The following UBTD1 variants were observed in gnomAD, a reference collection of about 807,000 sequenced individuals.
UBTD1 encodes ubiquitin domain containing 1.
A neutral mutation model predicts 21.7 loss-of-function variants in UBTD1; 19 were observed. The observed-to-expected ratio is 0.87, with a 90% confidence interval of 0.61 to 1.28. The LOEUF (loss-of-function observed/expected upper bound fraction) is 1.28, where lower values mean the gene tolerates loss of function less well. UBTD1 is among the 50% of genes most tolerant of loss of function. The pLI, the probability that UBTD1 is intolerant of heterozygous loss-of-function variation, is 0.00. For missense variants in UBTD1, 282 were observed against 315.1 expected (o/e 0.89, Z 0.80); for synonymous variants, 116 against 135.1 (o/e 0.86, Z 0.98).
At chr10:97,545,429 TGG>T (rs1179464044) in intron 1 of UBTD1, among the ~76,000 whole-genome samples, 8 of 24,734 alleles carry the variant, frequency 3.2e-4, no homozygotes, top group Admixed American at 1.4e-3. Flanking sequence ...TGTGTGTGTG[TGG>T]GTGTGTGTGT....
At position 97,499,278 on chromosome 10, in the gene UBTD1, C is replaced by A; in HGVS notation, c.70+5C>A. Reference sequence around the variant, plus strand: ...GACACCCCCGCAAGCGAGCAGGTAACGATGGGGAAGGGAGCAGGGCCTCGG... The same window carrying A: ...GACACCCCCGCAAGCGAGCAGGTAAAGATGGGGAAGGGAGCAGGGCCTCGG... On this transcript the variant is annotated splice_donor_5th_base_variant and intron_variant, in intron 1 of 2. Transcript: ENST00000370664. 1 of 1,548,386 alleles carries A rather than the reference C, an allele frequency of 6.5e-7. No homozygotes were observed.
At chr10:97,556,128 G>C (rs1414168085) in intron 1 of UBTD1, among the ~76,000 whole-genome samples, 1 of 152,256 alleles carries the variant, frequency 6.6e-6, no homozygotes, top group East Asian at 1.9e-4. Flanking sequence ...TCAGACAAGG[G>C]AGCAGTAAGC....
intron 1 of UBTD1, among the ~76,000 whole-genome samples, chr10:97,520,109 T>C (rs1017513092): frequency 3.9e-5 from 6 of 152,200 alleles, no homozygotes; most frequent in Admixed American, 3.9e-4. Context: ...ATGTCTCAGT[T>C]CCTTCATCTG....
At chr10:97,548,292 C>T (rs1205859598) in intron 1 of UBTD1, among the ~76,000 whole-genome samples, 3 of 152,250 alleles carry the variant, frequency 2.0e-5, no homozygotes, top group Non-Finnish European at 4.4e-5. Context: ...GCTGGAACTG[C>T]TCGTATTCAA....
At chr10:97,511,670 T>G (rs932186531) in intron 1 of UBTD1, among the ~76,000 whole-genome samples, 2 of 152,140 alleles carry the variant, frequency 1.3e-5, no homozygotes, top group African/African-American at 4.8e-5. Flanking sequence ...ATTTTTTTTT[T>G]TAACTTAGTG....
intron 1 of UBTD1, among the ~76,000 whole-genome samples, chr10:97,527,887 A>G (rs557990951): frequency 2.4e-4 from 36 of 152,320 alleles, no homozygotes; most frequent in African/African-American, 5.8e-4. Flanking sequence ...CGATTTCTCA[A>G]TCTTCCACCT....
chr10:97,503,708 G>A (rs2040387071), intron 1 of UBTD1, among the ~76,000 whole-genome samples: 1 of 152,160 alleles, frequency 6.6e-6, no homozygotes, highest in Non-Finnish European at 1.5e-5. Flanking sequence ...AGTATGTACT[G>A]AGTGCCAAGC....
At chr10:97,560,357 A>G (rs2040686537) in intron 1 of UBTD1, among the ~76,000 whole-genome samples, 1 of 152,200 alleles carries the variant, frequency 6.6e-6, no homozygotes, top group Non-Finnish European at 1.5e-5. Flanking sequence ...TTTGTTGAAA[A>G]CCTTGTAAGT....
intron 1 of UBTD1, among the ~76,000 whole-genome samples, 156 bp downstream of exon 1, chr10:97,499,429 C>CG (rs2040313333): frequency 6.6e-6 from 1 of 152,214 alleles, no homozygotes; most frequent in Admixed American, 6.5e-5. Flanking sequence ...TCCCCAGCGC[C>CG]GGGCGGCCGG....
chr10:97,561,552 T>G (rs2040692910), intron 1 of UBTD1, among the ~76,000 whole-genome samples: 1 of 152,066 alleles, frequency 6.6e-6, no homozygotes, highest in African/African-American at 2.4e-5. Context: ...GCACCGGTGG[T>G]CAGAGAGAAA....
At chr10:97,562,408 G>A (rs1030477341) in intron 1 of UBTD1, among the ~76,000 whole-genome samples, 2 of 152,212 alleles carry the variant, frequency 1.3e-5, no homozygotes, top group Non-Finnish European at 2.9e-5. Flanking sequence ...GTCAGCAAAG[G>A]GTGGTGGCAT....
intron 1 of UBTD1, among the ~76,000 whole-genome samples, chr10:97,510,710 G>T (rs927056429): frequency 6.6e-6 from 1 of 152,138 alleles, no homozygotes; most frequent in Non-Finnish European, 1.5e-5. Context: ...GACTTCTTCA[G>T]TGTGTCCTGG....
chr10:97,511,010 C>T (rs2040421310), intron 1 of UBTD1, among the ~76,000 whole-genome samples: 1 of 152,092 alleles, frequency 6.6e-6, no homozygotes, highest in South Asian at 2.1e-4. Flanking sequence ...ACCTCCGAGT[C>T]CCCAGGGCTT....
At chr10:97,500,666 C>A (rs957410948) in intron 1 of UBTD1, among the ~76,000 whole-genome samples, 5 of 152,198 alleles carry the variant, frequency 3.3e-5, no homozygotes, top group African/African-American at 1.2e-4. Flanking sequence ...TGGCATCAGA[C>A]TGTCTTGGTT....
chr10:97,536,921 A>G (rs954175659), intron 1 of UBTD1, among the ~76,000 whole-genome samples: 2 of 152,068 alleles, frequency 1.3e-5, no homozygotes, highest in Non-Finnish European at 2.9e-5. Context: ...TGCAACTGTG[A>G]GGGAGAGACC....
chr10:97,508,025 A>G (rs2040406562), intron 1 of UBTD1, among the ~76,000 whole-genome samples: 1 of 152,190 alleles, frequency 6.6e-6, no homozygotes, highest in Admixed American at 6.5e-5. Context: ...AGGCTCAGAG[A>G]GATGTAATTA....
intron 1 of UBTD1, among the ~76,000 whole-genome samples, chr10:97,546,687 T>A (rs1029159289): frequency 1.3e-5 from 2 of 151,982 alleles, no homozygotes; most frequent in Non-Finnish European, 2.9e-5. Flanking sequence ...TCTTAGATTC[T>A]GTTCCTCTCT....
rs371067731 is a variant in UBTD1 at position 97,535,341 on chromosome 10, T to C, written c.71-32573T>C. ...ATTAAAAAAAAATTACTTGGCCTGG[T>C]GTGGTGGCTCACGCCTGTAATCCCA... On this transcript the variant is annotated intron_variant, in intron 1 of 2. Coordinates refer to ENST00000370664, the MANE Select transcript of UBTD1 (RefSeq NM_024954.5). Among the ~76,000 whole-genome samples the C allele has an allele frequency of 1.6e-3, 242 of 152,148 alleles. 1 individual carries two copies. Among genetic ancestry groups the C allele is most frequent in the South Asian group, 0.01 (50 of 4,818 alleles).
chr10:97,535,546 C>T lies in UBTD1; in HGVS notation c.71-32368C>T, dbSNP rs376626687. 3.3e-5 allele frequency among the ~76,000 whole-genome samples: 5 copies of T among 152,092 alleles called. No homozygotes were observed. In the East Asian group the frequency reaches 5.8e-4, roughly 18 times the overall value. ...AGGAGAATCGCTTGAACCCAGGAGG[C>T]GGAGGTTGCAGTGAGCAGACATTGA... is the stretch of plus-strand genomic sequence containing the variant. On this transcript the variant is annotated intron_variant, in intron 1 of 2. Transcript: ENST00000370664.
Sources: allele counts gnomAD v4.1 joint callset (sites outside exome capture counted in the v4.1 genomes callset), GRCh38; gene constraint gnomAD v4.1.1; transcripts MANE v1.5; gene names NCBI Gene and HGNC (gene_info 2026-07-23, HGNC 2026-07-21).